TNRC6B: variants seen among roughly 807,000 people sequenced by gnomAD.
TNRC6B encodes trinucleotide repeat containing adaptor 6B.
Under a neutral mutation model 203.6 loss-of-function variants are expected in TNRC6B, and 52 were observed. That is an observed-to-expected ratio of 0.26 (90% CI 0.20 to 0.32). The LOEUF (loss-of-function observed/expected upper bound fraction) is 0.32. Among genes scored for constraint, TNRC6B ranks in the 10% least tolerant of loss-of-function variants. The pLI is 1.00. For missense variants in TNRC6B, 1,923 were observed against 2,286.2 expected, an observed-to-expected ratio of 0.84 and a Z score of 3.24; for synonymous variants, 838 against 845.7, an observed-to-expected ratio of 0.99 and a Z score of 0.16.
rs1037115113 is a variant in TNRC6B, at chr22:40,208,047, G to A, written c.5+29907G>A. On this transcript the variant is annotated intron_variant, in intron 1 of 22. Transcript: ENST00000454349. ...GAGAATGGCGGGAACCCGGGAGGCG[G>A]AGCTTGCAGTGAGCTGAGATGCGCC... 2.0e-5 allele frequency among the ~76,000 whole-genome samples: 3 copies of A among 150,556 alleles called. No individual in the cohort carries two copies. The Admixed American group carries it at 2.0e-4, about 10-fold the overall frequency.
At chr22:40,167,295 G>A (rs1227516361) in intron 4 of TNRC6B, among the ~76,000 whole-genome samples, 1 of 152,108 alleles carries the variant, frequency 6.6e-6, no homozygotes, top group Non-Finnish European at 1.5e-5. Context: ...TTGACACAAG[G>A]GGAACCATAA....
intron 4 of TNRC6B, among the ~76,000 whole-genome samples, chr22:40,168,903 T>G (rs2068945033): frequency 6.6e-6 from 1 of 152,184 alleles, no homozygotes; most frequent in Non-Finnish European, 1.5e-5. Flanking sequence ...CCCTTTTTAT[T>G]CCCATAGCAC....
In TNRC6B at chr22:40,324,850, G is replaced by A. The variant is rs915663421; in HGVS notation, c.*1609G>A. On this transcript the variant is annotated 3_prime_UTR_variant, in exon 23 of 23. Transcript: ENST00000454349. ...CTTGTAATTTTGCTTTTTTAATTTC[G>A]GTATTTAAATACTTTTTTTTTTTTT... The A allele has an allele frequency of 9.9e-5, 15 of 151,348 alleles. No individual in the cohort carries two copies. Among genetic ancestry groups the A allele is most frequent in the African/African-American group, 2.2e-4 (9 of 40,950 alleles). The allele number at this position is 151,348 out of a possible 1,614,324, so 9.4% of individuals were successfully genotyped here. A position where few individuals can be genotyped will look rare whatever the true frequency, so the allele number is the denominator to read the frequency against.
intron 1 of TNRC6B, among the ~76,000 whole-genome samples, chr22:40,186,753 T>G (rs1601868232): frequency 6.7e-6 from 1 of 149,204 alleles, no homozygotes; most frequent in Non-Finnish European, 1.5e-5. Context: ...AAAAAAAAAG[T>G]TAAAAATAAA....
chr22:40,114,531 C>T (rs2068370097), intron 1 of TNRC6B, among the ~76,000 whole-genome samples: 1 of 152,220 alleles, frequency 6.6e-6, no homozygotes, highest in South Asian at 2.1e-4. Flanking sequence ...CTGTGTTGCT[C>T]AGGCTGATCT....
chr22:40,276,967 A>G, intron 7 of TNRC6B, 110 bp from the exon 8 acceptor site: 1 of 666,314 alleles, frequency 1.5e-6, no homozygotes, highest in Non-Finnish European at 2.3e-6. Context: ...TTAAAGAGAA[A>G]TAGGACTTAA....
chr22:40,100,067 A>ATTATTTATTTAT (rs34836211), intron 1 of TNRC6B, among the ~76,000 whole-genome samples: 38 of 112,082 alleles, frequency 3.4e-4, no homozygotes, highest in Admixed American at 4.4e-4. Context: ...TTTTATTTTT[A>ATTATTTATTTAT]TTATTTATTT....
chr22:40,237,161 A>C (rs2069959593), intron 1 of TNRC6B, among the ~76,000 whole-genome samples: 1 of 152,274 alleles, frequency 6.6e-6, no homozygotes, highest in Admixed American at 6.5e-5. Context: ...TCTGTCACAA[A>C]AACAAAAGTT....
intron 1 of TNRC6B, among the ~76,000 whole-genome samples, chr22:40,092,754 T>C (rs368260078): frequency 3.5e-4 from 53 of 152,244 alleles, no homozygotes; most frequent in African/African-American, 1.3e-3. Context: ...GGTCTTCAAA[T>C]GACCCTCTCG....
Position 40,278,617 on chromosome 22 carries a change from T to C in TNRC6B, c.3262+573T>C, listed in dbSNP as rs150350432. 6.9e-4 allele frequency among the ~76,000 whole-genome samples: 105 copies of C among 151,520 alleles called. No individual in the cohort carries two copies. The East Asian group carries it at 0.019, about 27-fold the overall frequency. On this transcript the variant is annotated intron_variant, in intron 9 of 22. Coordinates refer to ENST00000454349, the MANE Select transcript of TNRC6B (RefSeq NM_001162501.2). Reference sequence around the variant, plus strand: ...ACAGGTTAACTGTGGAGCGTCCACCTAGAAGAATCAGCCTTGCATTGCTCC... The same window carrying C: ...ACAGGTTAACTGTGGAGCGTCCACCCAGAAGAATCAGCCTTGCATTGCTCC...
chr22:40,319,192 G>A (rs1378728430), intron 21 of TNRC6B, among the ~76,000 whole-genome samples: 6 of 151,614 alleles, frequency 4.0e-5, no homozygotes, highest in Non-Finnish European at 7.4e-5. Context: ...CTCTATCATA[G>A]CTTAAAAGGT....
chr22:40,056,797 C>CAAAAAA, intron 1 of TNRC6B, among the ~76,000 whole-genome samples: 1 of 91,956 alleles, frequency 1.1e-5, no homozygotes, highest in Middle Eastern at 6.3e-3. Flanking sequence ...CACCCTGTCT[C>CAAAAAA]AAAAAAAAAA....
rs769487368 is a variant in TNRC6B at position 40,178,040 on chromosome 22, CAGAT to C, written c.-92_-89del. 1.4e-4 allele frequency: 229 copies of C among 1,580,268 alleles called. 3 individuals carry two copies. The Middle Eastern group carries it at 1.5e-3, about 11-fold the overall frequency. On this transcript the variant is annotated 5_prime_UTR_variant, in exon 1 of 23. Transcript: ENST00000454349. ...TCTGAATATTTAAAATACAAAAAAA[CAGAT>C]AGACAAAAAGAATTCATTTTTTGGA... is the stretch of plus-strand genomic sequence containing the variant.
At chr22:40,170,168 C>T (rs1374153645) in intron 4 of TNRC6B, among the ~76,000 whole-genome samples, 1 of 149,298 alleles carries the variant, frequency 6.7e-6, no homozygotes, top group Non-Finnish European at 1.5e-5. Context: ...GTCTCAGCTA[C>T]TTGGGAGGCT....
At chr22:40,108,051 T>C (rs1435368101) in intron 1 of TNRC6B, among the ~76,000 whole-genome samples, 1 of 152,060 alleles carries the variant, frequency 6.6e-6, no homozygotes, top group African/African-American at 2.4e-5. Context: ...ATTTGCTTTT[T>C]AAGACAGCCA....
chr22:40,075,156 A>ATTTTTTTTTTTTTTTTTTTTTTT (rs58240994), intron 1 of TNRC6B, among the ~76,000 whole-genome samples: 3 of 35,568 alleles, frequency 8.4e-5, no homozygotes, highest in Non-Finnish European at 1.6e-4. Flanking sequence ...ATATATATAT[A>ATTTTTTTTTTTTTTTTTTTTTTT]TTTTTTTTTT....
At chr22:40,055,170 C>T (rs2067782763) in intron 1 of TNRC6B, among the ~76,000 whole-genome samples, 2 of 152,218 alleles carry the variant, frequency 1.3e-5, no homozygotes, top group South Asian at 4.2e-4. Context: ...TCTTTGTTCC[C>T]AAGGAATGCA....
intron 3 of TNRC6B, among the ~76,000 whole-genome samples, chr22:40,154,860 A>AATATATATAT (rs71199273): frequency 2.0e-3 from 47 of 23,566 alleles, no homozygotes; most frequent in Non-Finnish European, 2.5e-3. Flanking sequence ...AAAAAAAAAA[A>AATATATATAT]ATATATATAT....
chr22:40,049,932 G>A (rs1419663910), intron 1 of TNRC6B, among the ~76,000 whole-genome samples: 5 of 152,132 alleles, frequency 3.3e-5, no homozygotes, highest in African/African-American at 1.2e-4. Flanking sequence ...TTCGTACTCA[G>A]TATGTTGAAA....
Sources: allele counts gnomAD v4.1 joint callset (sites outside exome capture counted in the v4.1 genomes callset), GRCh38; gene constraint gnomAD v4.1.1; transcripts MANE v1.5; gene names NCBI Gene and HGNC (gene_info 2026-07-23, HGNC 2026-07-21).